Variants in EVC observed in about 807,000 individuals in gnomAD.
EVC encodes evC complex member EVC.
Under a neutral mutation model 118.9 loss-of-function variants are expected in EVC, and 116 were observed. The ratio of observed to expected loss-of-function variants is 0.98; its 90% CI spans 0.84 to 1.14. EVC has a LOEUF of 1.14. EVC is among the 50% of genes most tolerant of loss of function. The pLI, the probability that EVC is intolerant of heterozygous loss-of-function variation, is 0.00. For synonymous variants in EVC, 619 were observed against 534.7 expected, an observed-to-expected ratio of 1.16 and a Z score of -2.18; for missense variants, 1,401 against 1,246.4, an observed-to-expected ratio of 1.12 and a Z score of -1.87.
intron 18 of EVC, among the ~76,000 whole-genome samples, chr4:5,809,113 G>A (rs76474591): frequency 6.6e-6 from 1 of 152,176 alleles, no homozygotes; most frequent in African/African-American, 2.4e-5. Flanking sequence ...TGCTATCCAG[G>A]GTCACACAGT....
At chr4:5,768,885 A>G (rs923421195) in intron 11 of EVC, among the ~76,000 whole-genome samples, 5 of 152,026 alleles carry the variant, frequency 3.3e-5, no homozygotes, top group African/African-American at 1.2e-4. Context: ...CTCATTCATC[A>G]TCATTCACCA....
Position 5,756,360 on chromosome 4 carries a change from C to G in EVC, c.1561C>G (p.Gln521Glu). The part of the protein sequence containing the change: ...RATEAVVALC[Q>E]ELYFSTVDTF... ...CACCGAGGCTGTGGTTGCACTCTGCCAGGTACATGGCCTCTGTGGGGACCA... is the reference window on the plus strand; with the variant it reads ...CACCGAGGCTGTGGTTGCACTCTGCGAGGTACATGGCCTCTGTGGGGACCA... Residue 521 changes from glutamine (Q) to glutamate (E), a missense_variant and splice_region_variant, in exon 11 of 21, where the codon CAG becomes GAG. Coordinates refer to ENST00000264956, the MANE Select transcript of EVC (RefSeq NM_153717.3). The surrounding 1 kb of genome is among the most constrained non-coding windows in gnomAD (Gnocchi z 4.2). 1.2e-6 allele frequency: 2 copies of G among 1,607,232 alleles called. No individual in the cohort carries two copies. Among genetic ancestry groups the G allele is most frequent in the Non-Finnish European group, 1.7e-6 (2 of 1,177,078 alleles).
In EVC at chr4:5,719,171, G is replaced by C; in HGVS notation, c.175-77G>C. 6.2e-7 allele frequency: 1 copy of C among 1,600,170 alleles called. No homozygotes were observed. The highest frequency in any genetic ancestry group is 8.6e-7 in the Non-Finnish European group (1 of 1,169,352). ...GGACTGGGGGAGTTGACTGGCAAAA[G>C]TCACGGTGGGGACCAGGCCGACTGA... is the stretch of plus-strand genomic sequence containing the variant. On this transcript the variant is annotated intron_variant, in intron 1 of 20. Coordinates refer to ENST00000264956, the MANE Select transcript of EVC (RefSeq NM_153717.3). The surrounding 1 kb of genome is among the most constrained non-coding windows in gnomAD (Gnocchi z 4.7).
At chr4:5,712,736 G>A (rs1430973870) in intron 1 of EVC, among the ~76,000 whole-genome samples, 1 of 152,178 alleles carries the variant, frequency 6.6e-6, no homozygotes, top group Non-Finnish European at 1.5e-5. Context: ...CTGAGATAAT[G>A]CAAGATGCTC....
rs903911171 is a variant in EVC at position 5,719,955 on chromosome 4, A to G, written c.300+582A>G. Among the ~76,000 whole-genome samples, 1 of 152,130 alleles carries G rather than the reference A, an allele frequency of 6.6e-6. No individual in the cohort carries two copies. Among genetic ancestry groups the G allele is most frequent in the Non-Finnish European group, 1.5e-5 (1 of 68,032 alleles). Reference sequence around the variant, plus strand: ...AGCCTACTATGAATGTTGGTGCATAAGTCTGTTTATTTTCATTTCATTTTA... The same window carrying G: ...AGCCTACTATGAATGTTGGTGCATAGGTCTGTTTATTTTCATTTCATTTTA... On this transcript the variant is annotated intron_variant, in intron 2 of 20. Coordinates refer to ENST00000264956, the MANE Select transcript of EVC (RefSeq NM_153717.3). This position sits in a 1 kb window ranked among gnomAD's most constrained non-coding sequence, Gnocchi z 4.7.
In EVC at chr4:5,798,728, C is replaced by G; in HGVS notation, c.2240C>G (p.Ala747Gly). ...CACATGGAGTGCGCCATTGGGCAGG[C>G]GCTGCTGGTGCATGCACGGAATGCA... ...QQHMECAIGQ[A>G]LLVHARNAAT... Residue 747 changes from alanine to glycine, a missense_variant, in exon 15 of 21, where the codon GCG becomes GGG. Transcript: ENST00000264956. The surrounding 1 kb of genome is among the most constrained non-coding windows in gnomAD (Gnocchi z 4.1). 1.2e-6 allele frequency: 2 copies of G among 1,610,904 alleles called. No individual in the cohort carries two copies. Among genetic ancestry groups the G allele is most frequent in the Non-Finnish European group, 1.7e-6 (2 of 1,179,860 alleles).
At chr4:5,757,001 C>G (rs1317885436) in intron 11 of EVC, among the ~76,000 whole-genome samples, 1 of 152,192 alleles carries the variant, frequency 6.6e-6, no homozygotes. Flanking sequence ...TTGGGCAGCA[C>G]TGGGAGGAGG....
the EVC span, chr4:5,824,807 A>G: frequency 5.0e-5 from 49 of 985,266 alleles, no homozygotes; most frequent in Non-Finnish European, 5.8e-5. Flanking sequence ...TTGCAGGACA[A>G]AATTCCAGTT....
chr4:5,744,731 G>C (rs1244336217), intron 6 of EVC, among the ~76,000 whole-genome samples: 1 of 152,146 alleles, frequency 6.6e-6, no homozygotes, highest in Non-Finnish European at 1.5e-5. Flanking sequence ...TCACACCAGA[G>C]CAATGGCCTC....
downstream of EVC, among the ~76,000 whole-genome samples, chr4:5,816,273 G>A (rs1228314837): frequency 6.6e-6 from 1 of 152,130 alleles, no homozygotes; most frequent in Non-Finnish European, 1.5e-5. Context: ...TTCTGGCTGT[G>A]GTGGCCATGA....
At position 5,724,283 on chromosome 4, in the gene EVC, C is replaced by T. The variant is rs111946726; in HGVS notation, c.300+4910C>T. Among the ~76,000 whole-genome samples the T allele has an allele frequency of 4.2e-3, 634 of 152,288 alleles. 10 individuals are homozygous for T. Among genetic ancestry groups the T allele is most frequent in the African/African-American group, 0.013 (547 of 41,560 alleles). ...GAGGCATAGGCCAGGGCCATGGATT[C>T]GAGAGAGATGTAGGAGGTTAAGTTA... On this transcript the variant is annotated intron_variant, in intron 2 of 20. Transcript: ENST00000264956.
chr4:5,808,412 A>G (rs548040524), intron 18 of EVC, 85 bp downstream of exon 18: 1 of 1,591,384 alleles, frequency 6.3e-7, no homozygotes, highest in African/African-American at 1.3e-5. Flanking sequence ...ACCACACGTC[A>G]GCCATGGGGA....
chr4:5,724,902 G>A (rs575418027), intron 2 of EVC, among the ~76,000 whole-genome samples: 1 of 152,078 alleles, frequency 6.6e-6, no homozygotes, highest in Admixed American at 6.5e-5. Context: ...GCCCCAGTGT[G>A]TGTTGTTCCC....
At chr4:5,726,326 T>A (rs3774859) in intron 2 of EVC, among the ~76,000 whole-genome samples, 93,603 of 152,074 alleles carry the variant, frequency 0.62, 28,973 homozygotes, top group Non-Finnish European at 0.63. Context: ...CTGCTTATCT[T>A]CATTCACTAT....
chr4:5,766,274 C>G (rs955610327), intron 11 of EVC, among the ~76,000 whole-genome samples: 9 of 151,814 alleles, frequency 5.9e-5, no homozygotes, highest in African/African-American at 2.2e-4. Context: ...TAGCGATCAG[C>G]TGTTAGTCTG....
At chr4:5,817,177 T>C (rs766826488), downstream of EVC, among the ~76,000 whole-genome samples, 17 of 152,190 alleles carry the variant, frequency 1.1e-4, no homozygotes, top group Non-Finnish European at 1.9e-4. Context: ...ACTGGAGTCA[T>C]GGAGGTCCTG....
At chr4:5,817,074 C>T (rs1225174666), downstream of EVC, among the ~76,000 whole-genome samples, 1 of 152,230 alleles carries the variant, frequency 6.6e-6, no homozygotes, top group Non-Finnish European at 1.5e-5. Flanking sequence ...GGTCACAGGG[C>T]CGCCTGGCCC....
chr4:5,802,441 G>A (rs1327267507), intron 16 of EVC, among the ~76,000 whole-genome samples: 1 of 152,136 alleles, frequency 6.6e-6, no homozygotes, highest in Non-Finnish European at 1.5e-5. Context: ...TTTTTCCACA[G>A]ACCAGGGTGA....
chr4:5,792,010 G>A (rs1458787528), intron 12 of EVC, among the ~76,000 whole-genome samples: 1 of 152,182 alleles, frequency 6.6e-6, no homozygotes, highest in Non-Finnish European at 1.5e-5. Flanking sequence ...CATTGACAGA[G>A]TAAAATAACT....
Sources: allele counts gnomAD v4.1 joint callset (sites outside exome capture counted in the v4.1 genomes callset), GRCh38; gene constraint gnomAD v4.1.1; non-coding constraint Gnocchi (gnomAD v3.1); transcripts MANE v1.5; gene names NCBI Gene and HGNC (gene_info 2026-07-23, HGNC 2026-07-21).